Variants in GLCCI1 observed in about 807,000 individuals in gnomAD.
GLCCI1 encodes the protein glucocorticoid induced 1.
A neutral mutation model predicts 52.2 loss-of-function variants in GLCCI1; 24 were observed. That is an observed-to-expected ratio of 0.46 (90% CI 0.33 to 0.65). The LOEUF (loss-of-function observed/expected upper bound fraction) is 0.65. Among genes scored for constraint, GLCCI1 ranks in the 30% least tolerant of loss-of-function variants. GLCCI1 has a pLI of 0.02. For missense variants in GLCCI1, 704 were observed against 701.5 expected, an observed-to-expected ratio of 1.00 and a Z score of -0.04; for synonymous variants, 310 against 276.5, an observed-to-expected ratio of 1.12 and a Z score of -1.20.
At chr7:8,069,137 C>T (rs946946470) in intron 5 of GLCCI1, among the ~76,000 whole-genome samples, 36 of 152,176 alleles carry the variant, frequency 2.4e-4, no homozygotes, top group African/African-American at 8.4e-4. Flanking sequence ...GCTTTATGTT[C>T]TCTCCCAGCT....
At chr7:8,078,863 A>C (rs1782930347) in intron 6 of GLCCI1, 1 of 152,218 alleles carries the variant, frequency 6.6e-6, no homozygotes, top group Non-Finnish European at 1.5e-5. Context: ...GATGGAACAG[A>C]CTTTAAGGTG....
intron 1 of GLCCI1, among the ~76,000 whole-genome samples, chr7:7,973,406 T>TTGTGCGCGTGTG: frequency 1.2e-5 from 1 of 83,984 alleles, no homozygotes; most frequent in East Asian, 3.2e-4. Flanking sequence ...ATGCAAATCT[T>TTGTGCGCGTGTG]TGTGTGCGTG....
intron 2 of GLCCI1, among the ~76,000 whole-genome samples, chr7:8,008,865 C>T (rs918099136): frequency 1.3e-5 from 2 of 151,794 alleles, no homozygotes; most frequent in Non-Finnish European, 2.9e-5. Context: ...TTTAGAGAAG[C>T]TCAGTATTGG....
At chr7:8,048,676 A>T (rs1309787107) in intron 3 of GLCCI1, among the ~76,000 whole-genome samples, 2 of 152,198 alleles carry the variant, frequency 1.3e-5, no homozygotes, top group Non-Finnish European at 2.9e-5. Flanking sequence ...CTCATAAGGT[A>T]ACCTGTTACT....
chr7:7,998,361 G>A (rs897397312), intron 1 of GLCCI1, among the ~76,000 whole-genome samples: 11 of 151,796 alleles, frequency 7.2e-5, no homozygotes, highest in African/African-American at 2.4e-4. Flanking sequence ...GATTACAGGC[G>A]CCCTCCACCA....
intron 6 of GLCCI1, among the ~76,000 whole-genome samples, chr7:8,071,626 AATT>A (rs1396506675): frequency 1.3e-5 from 2 of 152,140 alleles, no homozygotes; most frequent in African/African-American, 2.4e-5. Flanking sequence ...TATGTAGATA[AATT>A]ATTAACTGTT....
chr7:8,045,660 G>C (rs965988938), intron 3 of GLCCI1, among the ~76,000 whole-genome samples: 5 of 152,166 alleles, frequency 3.3e-5, no homozygotes, highest in Non-Finnish European at 5.9e-5. Context: ...CAATGAGGCA[G>C]TTATGCAAAA....
intron 2 of GLCCI1, among the ~76,000 whole-genome samples, chr7:8,017,068 A>G (rs1182121034): frequency 6.6e-6 from 1 of 152,196 alleles, no homozygotes; most frequent in Non-Finnish European, 1.5e-5. Context: ...CTGTCTTACA[A>G]ATAAGAAATG....
chr7:8,085,591 G>C (rs1435913648), intron 7 of GLCCI1, among the ~76,000 whole-genome samples: 4 of 152,162 alleles, frequency 2.6e-5, no homozygotes, highest in Non-Finnish European at 5.9e-5. Context: ...CAGTGCAGGT[G>C]CCTAGTGGAG....
intron 3 of GLCCI1, among the ~76,000 whole-genome samples, chr7:8,050,102 C>T (rs952058765): frequency 1.3e-5 from 2 of 152,098 alleles, no homozygotes; most frequent in African/African-American, 4.8e-5. Flanking sequence ...TGTGGAATCT[C>T]TGTCTATTCC....
chr7:8,015,801 TTA>T (rs1325171800), intron 2 of GLCCI1, among the ~76,000 whole-genome samples: 1 of 152,200 alleles, frequency 6.6e-6, no homozygotes, highest in African/African-American at 2.4e-5. Flanking sequence ...TTTTAATACG[TTA>T]TGTGTTCATT....
At position 8,079,809 on chromosome 7, in the gene GLCCI1, G is replaced by A. The variant is rs775083907; in HGVS notation, c.1178-5088G>A. On this transcript the variant is annotated intron_variant, in intron 6 of 7. Transcript: ENST00000223145. ...GGCCTTGGAATGTAAGTTGAGTCCC[G>A]GTTATTAAAAAATCAATCTGATTTG... is the stretch of plus-strand genomic sequence containing the variant. 2.0e-4 allele frequency among the ~76,000 whole-genome samples: 31 copies of A among 151,236 alleles called. 2 individuals are homozygous for A. The highest frequency in any genetic ancestry group is 6.4e-4 in the African/African-American group (26 of 40,726).
chr7:8,060,053 T>G, intron 4 of GLCCI1, 43 bp from the exon 5 acceptor site: 1 of 1,549,486 alleles, frequency 6.5e-7, no homozygotes, highest in Non-Finnish European at 8.7e-7. Flanking sequence ...CTTGATTGCT[T>G]TGACCACAAA....
At chr7:8,050,578 C>G (rs1456920803) in intron 3 of GLCCI1, among the ~76,000 whole-genome samples, 1 of 152,104 alleles carries the variant, frequency 6.6e-6, no homozygotes, top group South Asian at 2.1e-4. Context: ...CATGATTTTT[C>G]AAACTATATT....
At chr7:8,034,627 C>T (rs904601062) in intron 3 of GLCCI1, among the ~76,000 whole-genome samples, 11 of 152,074 alleles carry the variant, frequency 7.2e-5, no homozygotes, top group African/African-American at 2.4e-4. Context: ...GAAAGAAGAA[C>T]CATAGTTACA....
At chr7:8,033,936 T>C (rs1781811667) in intron 3 of GLCCI1, among the ~76,000 whole-genome samples, 2 of 152,084 alleles carry the variant, frequency 1.3e-5, no homozygotes, top group South Asian at 4.1e-4. Flanking sequence ...ATACAAAGGA[T>C]CTAGAAAAGT....
At chr7:8,030,620 T>C (rs950850715) in intron 3 of GLCCI1, among the ~76,000 whole-genome samples, 1 of 152,026 alleles carries the variant, frequency 6.6e-6, no homozygotes, top group Non-Finnish European at 1.5e-5. Context: ...GAGAAAATAT[T>C]TGCAAACTAC....
In GLCCI1 at chr7:8,022,563, A is replaced by G. The variant is rs1490946743; in HGVS notation, c.690A>G (p.Leu230=). The G allele has an allele frequency of 2.6e-6, 4 of 1,561,382 alleles. No individual in the cohort carries two copies. Among genetic ancestry groups the G allele is most frequent in the African/African-American group, 1.4e-5 (1 of 72,388 alleles). Residue 230 remains leucine (L), a synonymous_variant, in exon 3 of 8, where the codon CTA becomes CTG. Coordinates refer to ENST00000223145, the MANE Select transcript of GLCCI1 (RefSeq NM_138426.4). ...RSASWGSADQ[L]KEQIAKLRQQ... ...CGTCATGGGGGAGTGCTGATCAACT[A>G]AAAGAGGTAAGTTATTTCTGTTTTC...
rs1213356514 is a variant in GLCCI1, at chr7:8,048,858, A to G, written c.697-6575A>G. 2.0e-5 allele frequency among the ~76,000 whole-genome samples: 3 copies of G among 152,334 alleles called. No homozygotes were observed. In the East Asian group the frequency reaches 5.8e-4, roughly 29 times the overall value. On this transcript the variant is annotated intron_variant, in intron 3 of 7. Transcript: ENST00000223145. Reference sequence around the variant, plus strand: ...ATGGATCCTGTACATACAGTAGATCATATTATGGAAGAGGAACACTGAGCT... The same window carrying G: ...ATGGATCCTGTACATACAGTAGATCGTATTATGGAAGAGGAACACTGAGCT...
Sources: gnomAD v4.1 joint callset for allele counts (sites outside exome capture counted in the v4.1 genomes callset) on GRCh38, gnomAD v4.1.1 for gene constraint, MANE v1.5 for transcripts, NCBI Gene and HGNC (gene_info 2026-07-23, HGNC 2026-07-21) for gene names.